SPATA17: variants seen among roughly 807,000 people sequenced by gnomAD.
The protein encoded by SPATA17 is spermatogenesis associated 17.
SPATA17 carries 53 observed loss-of-function variants against 62.2 expected under a neutral mutation model. That is an observed-to-expected ratio of 0.85 (90% CI 0.68 to 1.07). The LOEUF is 1.07. SPATA17 is among the 50% of genes least tolerant of loss of function. SPATA17 has a pLI of 0.00. For missense variants in SPATA17, 466 were observed against 425.5 expected, an observed-to-expected ratio of 1.10 and a Z score of -0.84; for synonymous variants, 146 against 146.8, an observed-to-expected ratio of 0.99 and a Z score of 0.04.
intron 8 of SPATA17, among the ~76,000 whole-genome samples, chr1:217,791,123 T>C (rs888468017): frequency 1.2e-4 from 18 of 152,210 alleles, no homozygotes; most frequent in Non-Finnish European, 2.1e-4. Flanking sequence ...CATTTATTAA[T>C]CAGCAGAGCC....
intron 9 of SPATA17, among the ~76,000 whole-genome samples, chr1:217,803,294 G>A (rs535529106): frequency 1.3e-5 from 2 of 152,156 alleles, no homozygotes; most frequent in South Asian, 4.2e-4. Flanking sequence ...AGAAAGAAAA[G>A]GCATCCACAC....
intron 6 of SPATA17, among the ~76,000 whole-genome samples, chr1:217,747,582 C>T (rs1672794150): frequency 1.3e-5 from 2 of 151,992 alleles, no homozygotes; most frequent in African/African-American, 4.8e-5. Flanking sequence ...AAATGTTACC[C>T]TGTTTTTCAT....
intron 5 of SPATA17, among the ~76,000 whole-genome samples, chr1:217,684,948 G>T (rs987618458): frequency 2.6e-5 from 4 of 152,132 alleles, no homozygotes; most frequent in Non-Finnish European, 5.9e-5. Flanking sequence ...GAGCAGTTAA[G>T]GGGGGAAGGC....
chr1:217,844,261 G>A (rs756688939), intron 9 of SPATA17, among the ~76,000 whole-genome samples: 1 of 152,110 alleles, frequency 6.6e-6, no homozygotes, highest in Non-Finnish European at 1.5e-5. Context: ...ATAGGAAGCA[G>A]TAAGCAAGGT....
chr1:217,749,973 CTCTCTCTCTCTCTATATATATATA>C (rs1216417868), intron 6 of SPATA17, among the ~76,000 whole-genome samples: 1 of 43,748 alleles, frequency 2.3e-5, no homozygotes, highest in Non-Finnish European at 5.2e-5. Flanking sequence ...CTCTCTCTCT[CTCTCTCTCTCTCTATATATATATA>C]TATATATATA....
chr1:217,727,493 T>C (rs1672295301), intron 5 of SPATA17, among the ~76,000 whole-genome samples: 1 of 152,052 alleles, frequency 6.6e-6, no homozygotes, highest in Non-Finnish European at 1.5e-5. Context: ...TTGTATGTTG[T>C]AAATGTATGA....
intron 9 of SPATA17, among the ~76,000 whole-genome samples, chr1:217,818,521 A>G (rs1674778177): frequency 6.6e-6 from 1 of 152,122 alleles, no homozygotes; most frequent in South Asian, 2.1e-4. Flanking sequence ...GTTGTAATAC[A>G]ATGATAAGTG....
intron 5 of SPATA17, among the ~76,000 whole-genome samples, chr1:217,741,433 A>G (rs1004899066): frequency 6.6e-6 from 1 of 152,178 alleles, no homozygotes; most frequent in African/African-American, 2.4e-5. Flanking sequence ...CAAAATGTCA[A>G]CCTTTGAAGT....
intron 6 of SPATA17, among the ~76,000 whole-genome samples, chr1:217,757,021 T>A (rs1371909670): frequency 6.6e-6 from 1 of 152,212 alleles, no homozygotes; most frequent in East Asian, 1.9e-4. Context: ...AAAACTGAGC[T>A]TGCTACACCC....
At chr1:217,748,421 A>G (rs925417028) in intron 6 of SPATA17, among the ~76,000 whole-genome samples, 36 of 151,888 alleles carry the variant, frequency 2.4e-4, no homozygotes, top group African/African-American at 7.7e-4. Flanking sequence ...TCCAGGATAC[A>G]AATCTTATAA....
chr1:217,667,962 C>T (rs780462596), intron 3 of SPATA17, among the ~76,000 whole-genome samples: 14 of 152,244 alleles, frequency 9.2e-5, no homozygotes, highest in Non-Finnish European at 1.8e-4. Context: ...CTGCTCTCCA[C>T]AGACAATTTG....
chr1:217,752,184 C>G (rs1469688920), intron 6 of SPATA17, among the ~76,000 whole-genome samples: 2 of 152,046 alleles, frequency 1.3e-5, no homozygotes, highest in African/African-American at 4.8e-5. Context: ...GCCATCACAC[C>G]TGGCTAGGTT....
At chr1:217,705,100 T>C (rs573571134) in intron 5 of SPATA17, among the ~76,000 whole-genome samples, 1 of 152,268 alleles carries the variant, frequency 6.6e-6, no homozygotes, top group East Asian at 1.9e-4. Flanking sequence ...GCAATTCTGA[T>C]TGGTGTGAGA....
chr1:217,651,260 G>A, intron 3 of SPATA17, 82 bp downstream of exon 3: 1 of 1,150,834 alleles, frequency 8.7e-7, no homozygotes, highest in Non-Finnish European at 1.2e-6. Context: ...TTTCCATATA[G>A]TTTGGAAATT....
At chr1:217,720,254 A>G (rs1340429363) in intron 5 of SPATA17, among the ~76,000 whole-genome samples, 1 of 152,232 alleles carries the variant, frequency 6.6e-6, no homozygotes, top group Non-Finnish European at 1.5e-5. Context: ...GAGAGCTAAA[A>G]AATTGGTGAC....
chr1:217,759,462 A>G (rs956494451), intron 6 of SPATA17, among the ~76,000 whole-genome samples: 1 of 152,146 alleles, frequency 6.6e-6, no homozygotes, highest in South Asian at 2.1e-4. Context: ...ATGCCTTAAA[A>G]AAAAAAGGAA....
chr1:217,854,169 G>A (rs1365225328), intron 9 of SPATA17, among the ~76,000 whole-genome samples: 1 of 152,170 alleles, frequency 6.6e-6, no homozygotes, highest in Non-Finnish European at 1.5e-5. Flanking sequence ...AGTGGTTGAA[G>A]TATGGCTGCT....
intron 7 of SPATA17, among the ~76,000 whole-genome samples, chr1:217,776,780 C>T (rs1446452741): frequency 6.6e-6 from 1 of 151,894 alleles, no homozygotes; most frequent in African/African-American, 2.4e-5. Context: ...TTGGTTGGTT[C>T]CCTCACTCAC....
intron 9 of SPATA17, among the ~76,000 whole-genome samples, chr1:217,806,568 C>T (rs1364232107): frequency 6.6e-6 from 1 of 152,178 alleles, no homozygotes; most frequent in Non-Finnish European, 1.5e-5. Flanking sequence ...CTATTTACTT[C>T]AAACTCTTGG....
Sources: allele counts gnomAD v4.1 joint callset (sites outside exome capture counted in the v4.1 genomes callset), GRCh38; gene constraint gnomAD v4.1.1; transcripts MANE v1.5; gene names NCBI Gene and HGNC (gene_info 2026-07-23, HGNC 2026-07-21).